The following ME1 variants were observed in gnomAD, a reference collection of about 807,000 sequenced individuals.
ME1 encodes the protein malic enzyme 1.
ME1 carries 74 observed loss-of-function variants against 66.4 expected under a neutral mutation model. The observed-to-expected ratio is 1.11, with a 90% confidence interval of 0.92 to 1.35. ME1 has a LOEUF of 1.35. ME1 is among the 40% of genes most tolerant of loss of function. The pLI is 0.00. For missense variants in ME1, 750 were observed against 694.1 expected (o/e 1.08, Z -0.90); for synonymous variants, 251 against 235.6 (o/e 1.07, Z -0.60).
intron 3 of ME1, among the ~76,000 whole-genome samples, chr6:83,375,261 C>A: frequency 6.6e-6 from 1 of 152,072 alleles, no homozygotes; most frequent in Non-Finnish European, 1.5e-5. Context: ...TGTGTCCTCT[C>A]TTATCTCCTC....
intron 3 of ME1, among the ~76,000 whole-genome samples, chr6:83,357,933 CTCTATATATATATA>C (rs1210687719): frequency 6.7e-5 from 3 of 44,960 alleles, no homozygotes; most frequent in African/African-American, 2.3e-4. Context: ...CTCTCTCTCT[CTCTATATATATATA>C]TATATATATA....
At chr6:83,226,237 T>G (rs1366601886) in intron 11 of ME1, among the ~76,000 whole-genome samples, 2 of 152,182 alleles carry the variant, frequency 1.3e-5, no homozygotes, top group Non-Finnish European at 2.9e-5. Context: ...TACATTTATA[T>G]CAGACACATT....
At chr6:83,235,751 C>T (rs1000136552) in intron 9 of ME1, among the ~76,000 whole-genome samples, 17 of 152,248 alleles carry the variant, frequency 1.1e-4, no homozygotes, top group Non-Finnish European at 1.3e-4. Flanking sequence ...GGATTATAGG[C>T]GTGAGCCACC....
intron 3 of ME1, among the ~76,000 whole-genome samples, chr6:83,386,221 T>C (rs565082726): frequency 1.3e-5 from 2 of 152,096 alleles, no homozygotes; most frequent in South Asian, 4.1e-4. Flanking sequence ...ATCACTTTTC[T>C]GGAAGCATTA....
chr6:83,321,989 G>A (rs570617080), intron 5 of ME1, among the ~76,000 whole-genome samples: 57 of 152,322 alleles, frequency 3.7e-4, no homozygotes, highest in African/African-American at 9.9e-4. Context: ...TGCAGCCTCC[G>A]CTGGTGACAC....
chr6:83,278,230 C>A (rs375323368), intron 6 of ME1, among the ~76,000 whole-genome samples: 2 of 152,106 alleles, frequency 1.3e-5, no homozygotes, highest in Non-Finnish European at 2.9e-5. Context: ...AGCAGCAAAG[C>A]TTTAAACTGT....
chr6:83,328,922 G>A (rs1768353416), intron 5 of ME1, among the ~76,000 whole-genome samples: 1 of 152,086 alleles, frequency 6.6e-6, no homozygotes, highest in Non-Finnish European at 1.5e-5. Flanking sequence ...TCAAAAAAAG[G>A]AGATAAGGAG....
intron 3 of ME1, among the ~76,000 whole-genome samples, chr6:83,360,684 C>G (rs1047126262): frequency 2.0e-5 from 3 of 152,188 alleles, no homozygotes; most frequent in Admixed American, 2.0e-4. Context: ...ATTAGTGCCA[C>G]CATCAAGGAC....
intron 6 of ME1, among the ~76,000 whole-genome samples, chr6:83,313,439 T>G (rs1767967044): frequency 6.6e-6 from 1 of 152,180 alleles, no homozygotes. Flanking sequence ...TATAAAATAT[T>G]CAAAATTTGT....
chr6:83,415,400 C>G (rs879348821), intron 1 of ME1, among the ~76,000 whole-genome samples: 2 of 152,186 alleles, frequency 1.3e-5, no homozygotes, highest in Non-Finnish European at 2.9e-5. Context: ...TTTCTGCTTA[C>G]CTGCCATTTT....
intron 12 of ME1, 62 bp from the exon 13 acceptor site, chr6:83,216,658 G>T: frequency 9.3e-7 from 1 of 1,078,996 alleles, no homozygotes; most frequent in Non-Finnish European, 1.4e-6. Flanking sequence ...TGGTGGGTAC[G>T]CCAATAACTA....
intron 6 of ME1, among the ~76,000 whole-genome samples, chr6:83,284,965 T>C (rs1478941653): frequency 6.6e-6 from 1 of 152,218 alleles, no homozygotes; most frequent in African/African-American, 2.4e-5. Flanking sequence ...TCCAATCATC[T>C]GTTGATGGAC....
Position 83,223,809 on chromosome 6 carries a change from G to T in ME1, c.1400C>A (p.Ala467Glu). Residue 467 changes from alanine to glutamate, a missense_variant, in exon 12 of 14, where the codon GCG becomes GAG. Physicochemically the swap from Ala to Glu is moderately radical, Grantham distance 107. Coordinates refer to ENST00000369705, the MANE Select transcript of ME1 (RefSeq NM_002395.6). The stretch of plus-strand genomic sequence containing the variant: ...ATCTGTGATCTGCCTCAATCCACAC[G>T]CCACAACACCAAGAGCAACTCCAGG... ...VFPGVALGVV[A>E]CGLRQITDNI... 1.2e-6 allele frequency: 2 copies of T among 1,613,812 alleles called. No individual in the cohort carries two copies. Among genetic ancestry groups the T allele is most frequent in the Non-Finnish European group, 1.7e-6 (2 of 1,179,840 alleles).
chr6:83,420,024 T>C (rs577653607), intron 1 of ME1, among the ~76,000 whole-genome samples: 2 of 152,252 alleles, frequency 1.3e-5, no homozygotes, highest in South Asian at 4.1e-4. Flanking sequence ...CTTCTTGTAA[T>C]TCTCTCATTT....
intron 3 of ME1, among the ~76,000 whole-genome samples, chr6:83,357,899 T>TCCGCCC (rs1768920966): frequency 3.2e-5 from 2 of 62,220 alleles, no homozygotes; most frequent in South Asian, 1.1e-3. Flanking sequence ...CTTAATAAAC[T>TCCGCCC]CCCCTCTCTC....
At chr6:83,412,619 G>A (rs1163399274) in intron 1 of ME1, among the ~76,000 whole-genome samples, 2 of 151,966 alleles carry the variant, frequency 1.3e-5, no homozygotes, top group East Asian at 3.8e-4. Flanking sequence ...ACTAGTAAAT[G>A]GATAAAACTA....
chr6:83,320,516 G>A (rs1440455472), intron 5 of ME1, among the ~76,000 whole-genome samples: 2 of 152,200 alleles, frequency 1.3e-5, no homozygotes, highest in African/African-American at 4.8e-5. Flanking sequence ...AAGTGCCGCT[G>A]TAAACTGCAG....
intron 1 of ME1, among the ~76,000 whole-genome samples, chr6:83,422,396 A>G (rs200727939): frequency 1.3e-5 from 2 of 152,334 alleles, no homozygotes; most frequent in East Asian, 3.9e-4. Flanking sequence ...CCCTTAAGAT[A>G]CAACTGACAG....
At chr6:83,285,554 T>C (rs571931911) in intron 6 of ME1, among the ~76,000 whole-genome samples, 1 of 152,258 alleles carries the variant, frequency 6.6e-6, no homozygotes, top group South Asian at 2.1e-4. Context: ...CTGTAAGATA[T>C]GCAAATATTG....
Sources: allele counts gnomAD v4.1 joint callset (sites outside exome capture counted in the v4.1 genomes callset), GRCh38; gene constraint gnomAD v4.1.1; transcripts MANE v1.5; gene names NCBI Gene and HGNC (gene_info 2026-07-23, HGNC 2026-07-21).